Variants in SLC40A1 observed in about 807,000 individuals in gnomAD.
The protein encoded by SLC40A1 is solute carrier family 40 member 1.
Under a neutral mutation model 53.5 loss-of-function variants are expected in SLC40A1, and 16 were observed. The ratio of observed to expected loss-of-function variants is 0.30; its 90% CI spans 0.20 to 0.45. The LOEUF (loss-of-function observed/expected upper bound fraction) is 0.45, where lower values mean the gene tolerates loss of function less well. Ranked by LOEUF, SLC40A1 falls within the 20% of genes least tolerant of loss-of-function variation. The pLI is 1.00. For synonymous variants in SLC40A1, 247 were observed against 253.2 expected, an observed-to-expected ratio of 0.98 and a Z score of 0.23; for missense variants, 545 against 695.4, an observed-to-expected ratio of 0.78 and a Z score of 2.43.
Position 189,563,681 on chromosome 2 carries a change from C to T in SLC40A1, c.1305G>A (p.Gly435=). 6.2e-7 allele frequency: 1 copy of T among 1,614,030 alleles called. No homozygotes were observed. The highest frequency in any genetic ancestry group is 8.5e-7 in the Non-Finnish European group (1 of 1,179,906). Residue 435 remains glycine, a synonymous_variant, in exon 7 of 8, where the codon GGG becomes GGA. Coordinates refer to ENST00000261024, the MANE Select transcript of SLC40A1 (RefSeq NM_014585.6). ...EITTEIYMSN[G]SNSANIVPET... ...CCGGGACAATATTAGCAGAATTAGACCCATTAGACATGTATATTTCAGTTG... is the reference window on the plus strand; with the variant it reads ...CCGGGACAATATTAGCAGAATTAGATCCATTAGACATGTATATTTCAGTTG...
chr2:189,564,216 G>A lies in SLC40A1; in HGVS notation c.770C>T (p.Pro257Leu). The A allele has an allele frequency of 6.2e-7, 1 of 1,613,936 alleles. No individual in the cohort carries two copies. Residue 257 changes from proline (P) to leucine (L), a missense_variant, in exon 7 of 8, where the codon CCA (proline) becomes CTA (leucine). This residue lies in a region of SLC40A1 where 107 missense variants were observed against 91.0 expected (regional missense o/e 1.18). Coordinates refer to ENST00000261024, the MANE Select transcript of SLC40A1 (RefSeq NM_014585.6). ...KQLNLHKDTEPKPLEGTHLMG... is the reference protein window; with the variant it reads ...KQLNLHKDTELKPLEGTHLMG... ...TAGATGAGTTCCCTCCAGGGGTTTTGGCTCAGTATCTGTTAAGAAAAGATA... is the reference window on the plus strand; with the variant it reads ...TAGATGAGTTCCCTCCAGGGGTTTTAGCTCAGTATCTGTTAAGAAAAGATA...
chr2:189,563,723 G>C lies in SLC40A1; in HGVS notation c.1263C>G (p.Thr421=). The change falls in exon 7 of 8, where the codon ACC becomes ACG. Residue 421 remains threonine, a synonymous_variant. Transcript: ENST00000261024. ...RFIQGESITP[T]KIPEITTEIY... ...TTTCAGTTGTAATTTCAGGTATCTT[G>C]GTAGGTGTAATTGACTCTCCTTGAA... 1 of 1,614,098 alleles carries C rather than the reference G, an allele frequency of 6.2e-7. No individual in the cohort carries two copies. Among genetic ancestry groups the C allele is most frequent in the Non-Finnish European group, 8.5e-7 (1 of 1,180,004 alleles).
chr2:189,572,754 G>T, intron 4 of SLC40A1, 92 bp downstream of exon 4: 3 of 842,406 alleles, frequency 3.6e-6, no homozygotes, highest in South Asian at 1.4e-5. Flanking sequence ...GGTCACACTG[G>T]CCAAAAAAAA....
chr2:189,563,760 C>A lies in SLC40A1; in HGVS notation c.1226G>T (p.Arg409Leu). 6.2e-7 allele frequency: 1 copy of A among 1,614,086 alleles called. No homozygotes were observed. The highest frequency in any genetic ancestry group is 8.5e-7 in the Non-Finnish European group (1 of 1,179,992). ...TGACTCTCCTTGAATGAACCTTGAT[C>A]GGATATCTTCAAAAGGAGAAACGGA... ...DLSVSPFEDI[R>L]SRFIQGESIT... The change falls in exon 7 of 8, where the codon CGA (arginine) becomes CTA (leucine). Residue 409 changes from arginine to leucine, a missense_variant. By Grantham distance (102) the Arg-to-Leu change is moderately radical. Coordinates refer to ENST00000261024, the MANE Select transcript of SLC40A1 (RefSeq NM_014585.6).
chr2:189,564,278 G>A (rs2030856824), intron 6 of SLC40A1, 53 bp from the exon 7 acceptor site: 2 of 1,527,470 alleles, frequency 1.3e-6, no homozygotes, highest in Non-Finnish European at 1.8e-6. Flanking sequence ...AGAAATAAAA[G>A]CCAATTATTA....
In SLC40A1 at chr2:189,563,744, T is replaced by A. The variant is rs1183067222; in HGVS notation, c.1242A>T (p.Gln414His). The A allele has an allele frequency of 6.2e-7, 1 of 1,614,026 alleles. No homozygotes were observed. The highest frequency in any genetic ancestry group is 1.3e-5 in the African/African-American group (1 of 74,896). Residue 414 changes from glutamine to histidine, a missense_variant, in exon 7 of 8, where the codon CAA becomes CAT. By Grantham distance (24) the Gln-to-His change is conservative. Coordinates refer to ENST00000261024, the MANE Select transcript of SLC40A1 (RefSeq NM_014585.6). The stretch of plus-strand genomic sequence containing the variant: ...TCTTGGTAGGTGTAATTGACTCTCC[T>A]TGAATGAACCTTGATCGGATATCTT... Reference protein sequence around the residue: ...PFEDIRSRFIQGESITPTKIP... With the variant: ...PFEDIRSRFIHGESITPTKIP...
chr2:189,570,049 CA>C, intron 5 of SLC40A1, among the ~76,000 whole-genome samples: 1 of 147,568 alleles, frequency 6.8e-6, no homozygotes, highest in Non-Finnish European at 1.5e-5. Flanking sequence ...TATATACACA[CA>C]CCTATATATG....
intron 3 of SLC40A1, among the ~76,000 whole-genome samples, chr2:189,574,209 C>T (rs780402793): frequency 6.6e-6 from 1 of 152,182 alleles, no homozygotes; most frequent in Non-Finnish European, 1.5e-5. Flanking sequence ...CAGTGCTCAA[C>T]AATCATTAGA....
chr2:189,564,108 CG>C lies in SLC40A1; in HGVS notation c.877del (p.Arg293ValfsTer27). The C allele has an allele frequency of 6.2e-7, 1 of 1,611,172 alleles. No individual in the cohort carries two copies. Among genetic ancestry groups the C allele is most frequent in the South Asian group, 1.1e-5 (1 of 90,688 alleles). On this transcript the variant is annotated frameshift_variant, in exon 7 of 8. Coordinates refer to ENST00000261024, the MANE Select transcript of SLC40A1 (RefSeq NM_014585.6). LOFTEE classifies it high-confidence loss of function. ...GGAGACCCATCCATCTCGGAAGGTA[CG>C]GAAGGGCTCAGCCATCTGGGAGGCA... ...TCASQMAEPF[R>X]TFRDGWVSYY... is the part of the protein sequence containing the mutation.
Position 189,580,749 on chromosome 2 carries a change from G to T in SLC40A1, c.-289C>A, listed in dbSNP as rs1215218000. Reference sequence around the variant, plus strand: ...CTCAGCAGGTCGTCCGAGCCTAGCGGACGCCCTGAGCCAGCTCTCTCCGCC... The same window carrying T: ...CTCAGCAGGTCGTCCGAGCCTAGCGTACGCCCTGAGCCAGCTCTCTCCGCC... On this transcript the variant is annotated 5_prime_UTR_variant, in exon 1 of 8. Transcript: ENST00000261024. 2.2e-6 allele frequency: 3 copies of T among 1,333,982 alleles called. No individual in the cohort carries two copies. The African/African-American group carries it at 4.5e-5, about 20-fold the overall frequency. 82.6% of individuals were successfully genotyped at this position (1,333,982 alleles called of 1,614,324 possible).
intron 6 of SLC40A1, among the ~76,000 whole-genome samples, chr2:189,564,606 C>T (rs558607432): frequency 6.6e-5 from 10 of 152,090 alleles, no homozygotes; most frequent in South Asian, 4.2e-4. Flanking sequence ...TTTGGGAGGC[C>T]GAGGCGGGCA....
chr2:189,571,733 C>T lies in SLC40A1; in HGVS notation c.496G>A (p.Asp166Asn). The T allele has an allele frequency of 6.2e-7, 1 of 1,612,844 alleles. No individual in the cohort carries two copies. Among genetic ancestry groups the T allele is most frequent in the Non-Finnish European group, 8.5e-7 (1 of 1,178,978 alleles). The change falls in exon 5 of 8, where the codon GAC becomes AAC. Residue 166 changes from aspartate (D) to asparagine (N), a missense_variant. Asp to Asn is a conservative substitution (Grantham distance 23). This residue lies in a region of SLC40A1 where 197 missense variants were observed against 278.8 expected (regional missense o/e 0.71). Coordinates refer to ENST00000261024, the MANE Select transcript of SLC40A1 (RefSeq NM_014585.6). ...AAATTACTTGCTAGTTTGCTTCTGT[C>T]TTCTCCTGCAACAACAACAATCCAA... ...RDWIVVVAGE[D>N]RSKLANMNAT...
At chr2:189,579,344 T>A (rs1237877481) in intron 2 of SLC40A1, among the ~76,000 whole-genome samples, 1 of 152,234 alleles carries the variant, frequency 6.6e-6, no homozygotes, top group African/African-American at 2.4e-5. Flanking sequence ...AATCTTAGAA[T>A]GTTATTATTA....
At chr2:189,569,294 C>T (rs577898514) in intron 5 of SLC40A1, among the ~76,000 whole-genome samples, 1 of 152,344 alleles carries the variant, frequency 6.6e-6, no homozygotes, top group Admixed American at 6.5e-5. Context: ...GGGCATACCC[C>T]TCCCCTTTCA....
intron 6 of SLC40A1, among the ~76,000 whole-genome samples, chr2:189,564,474 T>C (rs1448697329): frequency 6.6e-6 from 1 of 152,160 alleles, no homozygotes; most frequent in East Asian, 1.9e-4. Context: ...TCTCTTGCTC[T>C]TAGAAATTAT....
intron 3 of SLC40A1, among the ~76,000 whole-genome samples, chr2:189,574,736 T>C (rs945761729): frequency 1.3e-5 from 2 of 152,314 alleles, no homozygotes; most frequent in South Asian, 2.1e-4. Context: ...TAGTTTTCAA[T>C]TCCCTTATAC....
rs2105618219 is a variant in SLC40A1, at chr2:189,561,579, C to G, written c.*299G>C. ...TGATAACTGAATTCACGTGACTAAC[C>G]ACTCTTTTACGTAAGATTGTATCTA... On this transcript the variant is annotated 3_prime_UTR_variant, in exon 8 of 8. Coordinates refer to ENST00000261024, the MANE Select transcript of SLC40A1 (RefSeq NM_014585.6). 1 of 331,992 alleles carries G rather than the reference C, an allele frequency of 3.0e-6. No homozygotes were observed. The highest frequency in any genetic ancestry group is 6.4e-5 in the East Asian group (1 of 15,632). The allele number at this position is 331,992 out of a possible 1,614,324, so 20.6% of individuals were successfully genotyped here. A position where few individuals can be genotyped will look rare whatever the true frequency, so the allele number is the denominator to read the frequency against.
chr2:189,575,902 T>A (rs11689103), intron 2 of SLC40A1, among the ~76,000 whole-genome samples: 2 of 152,014 alleles, frequency 1.3e-5, no homozygotes, highest in African/African-American at 4.8e-5. Flanking sequence ...GCAGAGCGAT[T>A]GGAAAGAGGA....
intron 2 of SLC40A1, among the ~76,000 whole-genome samples, chr2:189,576,128 A>C (rs1213400238): frequency 6.6e-6 from 1 of 152,184 alleles, no homozygotes; most frequent in Non-Finnish European, 1.5e-5. Flanking sequence ...GAATTAGGCA[A>C]ATTAATGTCT....
Sources: allele counts gnomAD v4.1 joint callset (sites outside exome capture counted in the v4.1 genomes callset), GRCh38; gene constraint gnomAD v4.1.1; regional missense constraint gnomAD v4.1.1; transcripts MANE v1.5; gene names NCBI Gene and HGNC (gene_info 2026-07-23, HGNC 2026-07-21).